Variants in AK6 observed in about 807,000 individuals in gnomAD.
The protein encoded by AK6 is adenylate kinase isoenzyme 6.
A neutral mutation model predicts 23.7 loss-of-function variants in AK6; 24 were observed. That is an observed-to-expected ratio of 1.01 (90% CI 0.73 to 1.43). The LOEUF (loss-of-function observed/expected upper bound fraction) is 1.43, where lower values mean the gene tolerates loss of function less well. AK6 is among the 40% of genes most tolerant of loss of function. The pLI is 0.00. For synonymous variants in AK6, 73 were observed against 69.8 expected, an observed-to-expected ratio of 1.05 and a Z score of -0.23; for missense variants, 191 against 199.1, an observed-to-expected ratio of 0.96 and a Z score of 0.24.
intron 2 of AK6, among the ~76,000 whole-genome samples, chr5:69,360,500 G>A (rs2010352): frequency 0.35 from 53,914 of 152,106 alleles, 11,089 homozygotes; most frequent in East Asian, 0.52. Flanking sequence ...TCTAATAGGT[G>A]TCTAGAAATT....
intron 2 of AK6, 101 bp from the exon 3 acceptor site, chr5:69,356,054 A>T: frequency 1.0e-6 from 1 of 967,390 alleles, no homozygotes; most frequent in African/African-American, 1.6e-5. Flanking sequence ...ATCATCAATT[A>T]TTCTTTTAGA....
At chr5:69,365,830 T>TA (rs1240027036) in intron 2 of AK6, 7 of 1,115,364 alleles carry the variant, frequency 6.3e-6, no homozygotes, top group Middle Eastern at 4.3e-4. Context: ...GTCAGGAACT[T>TA]AAAAAAATTT....
chr5:69,355,995 T>C (rs1762075912), intron 2 of AK6, 42 bp from the exon 3 acceptor site: 1 of 1,506,120 alleles, frequency 6.6e-7, no homozygotes. Context: ...ATTTTCTAAG[T>C]AACTTTAAGT....
chr5:69,355,998 CTT>C, intron 2 of AK6, 45 bp from the exon 3 acceptor site: 2 of 1,510,534 alleles, frequency 1.3e-6, no homozygotes, highest in South Asian at 1.2e-5. Flanking sequence ...TTCTAAGTAA[CTT>C]TAAGTAATTT....
At chr5:69,364,034 G>T (rs1762316667) in intron 2 of AK6, among the ~76,000 whole-genome samples, 1 of 152,128 alleles carries the variant, frequency 6.6e-6, no homozygotes, top group Non-Finnish European at 1.5e-5. Context: ...GTTGCAGTGA[G>T]CTGAGATTGT....
At chr5:69,358,311 CAGG>C (rs1419934215) in intron 2 of AK6, among the ~76,000 whole-genome samples, 1 of 151,870 alleles carries the variant, frequency 6.6e-6, no homozygotes. Context: ...CACCTGTGGT[CAGG>C]AGTTGAGACC....
intron 2 of AK6, among the ~76,000 whole-genome samples, chr5:69,357,348 A>C (rs1213323530): frequency 6.6e-6 from 1 of 152,246 alleles, no homozygotes; most frequent in Non-Finnish European, 1.5e-5. Context: ...CTTGGTATGA[A>C]GAAAACTGGT....
chr5:69,369,254 A>C, intron 1 of AK6: 2 of 37,384 alleles, frequency 5.3e-5, no homozygotes, highest in Non-Finnish European at 4.4e-5. Flanking sequence ...CCGGAGCCTC[A>C]GGCCAACGGA....
intron 2 of AK6, among the ~76,000 whole-genome samples, chr5:69,364,219 A>G (rs1418576126): frequency 6.7e-6 from 1 of 150,308 alleles, no homozygotes; most frequent in East Asian, 1.9e-4. Flanking sequence ...TAAAAAAAAT[A>G]TATATATATA....
intron 2 of AK6, 27 bp downstream of exon 2, chr5:69,366,473 AAAC>A (rs1762430670): frequency 6.3e-7 from 1 of 1,588,758 alleles, no homozygotes; most frequent in African/African-American, 1.3e-5. Context: ...AAAAAAAACA[AAAC>A]AAATCTAACA....
chr5:69,368,845 C>T (rs1169684314), intron 1 of AK6: 1 of 152,278 alleles, frequency 6.6e-6, no homozygotes, highest in African/African-American at 2.4e-5. Context: ...GCTTCAAAGA[C>T]CCACTCCTAC....
intron 4 of AK6, among the ~76,000 whole-genome samples, chr5:69,353,279 G>C (rs778214080): frequency 6.6e-6 from 1 of 152,010 alleles, no homozygotes; most frequent in Non-Finnish European, 1.5e-5. Context: ...ACTGGGTATG[G>C]GGTTCCTTTC....
chr5:69,361,072 T>A (rs959160856), intron 2 of AK6, among the ~76,000 whole-genome samples: 1 of 152,154 alleles, frequency 6.6e-6, no homozygotes, highest in Non-Finnish European at 1.5e-5. Context: ...AATGATTGTA[T>A]ATAGGAAAGG....
At chr5:69,366,421 A>T in intron 2 of AK6, 82 bp downstream of exon 2, 1 of 1,072,260 alleles carries the variant, frequency 9.3e-7, no homozygotes, top group African/African-American at 1.6e-5. Flanking sequence ...TTTGTACCCT[A>T]TGACAATACC....
intron 2 of AK6, chr5:69,365,863 A>G (rs549590211): frequency 1.4e-6 from 1 of 729,044 alleles, no homozygotes; most frequent in East Asian, 3.1e-5. Context: ...AAACTGTAAA[A>G]AAATTTTTAA....
At chr5:69,364,234 C>T (rs1053051544) in intron 2 of AK6, among the ~76,000 whole-genome samples, 8 of 150,710 alleles carry the variant, frequency 5.3e-5, no homozygotes, top group Admixed American at 2.0e-4. Context: ...TATATATAAA[C>T]ACTATAACCT....
chr5:69,362,134 CG>C (rs1554035464), intron 2 of AK6, among the ~76,000 whole-genome samples: 1 of 151,928 alleles, frequency 6.6e-6, no homozygotes, highest in Non-Finnish European at 1.5e-5. Flanking sequence ...TAGTGAGCAT[CG>C]GAATAAGCCT....
chr5:69,355,479 C>T (rs1010505022), intron 4 of AK6, 170 bp downstream of exon 4: 251 of 635,924 alleles, frequency 3.9e-4, no homozygotes, highest in Non-Finnish European at 5.7e-4. Context: ...TGCAGTGGAC[C>T]GAGATCACAC....
At chr5:69,364,662 T>C in intron 2 of AK6, 1 of 523,726 alleles carries the variant, frequency 1.9e-6, no homozygotes, top group East Asian at 3.3e-5. Flanking sequence ...TGCAAATTGC[T>C]GCAACTGCCA....
Sources: gnomAD v4.1 joint callset for allele counts (sites outside exome capture counted in the v4.1 genomes callset) on GRCh38, gnomAD v4.1.1 for gene constraint, MANE v1.5 for transcripts, NCBI Gene and HGNC (gene_info 2026-07-23, HGNC 2026-07-21) for gene names.